The following ZNF285 variants were observed in gnomAD, a reference collection of about 807,000 sequenced individuals.
ZNF285 encodes the protein zinc finger protein 285A.
In ZNF285, 4 loss-of-function variants were observed where a neutral mutation model predicts 6.2. The observed-to-expected ratio is 0.65, with a 90% CI of 0.32 to 1.49. ZNF285 has a LOEUF of 1.49. ZNF285 is among the 40% of genes most tolerant of loss of function. ZNF285 has a pLI of 0.07. For synonymous variants in ZNF285, 240 were observed against 245.8 expected, an observed-to-expected ratio of 0.98 and a Z score of 0.22; for missense variants, 695 against 708.8, an observed-to-expected ratio of 0.98 and a Z score of 0.22.
chr19:44,397,124 T>G, intron 2 of ZNF285, 75 bp downstream of exon 2: 2 of 1,607,316 alleles, frequency 1.2e-6, no homozygotes, highest in Non-Finnish European at 8.5e-7. Flanking sequence ...AATGCTGACC[T>G]CCTTTCAGAA....
rs754004084 is a variant in ZNF285, at chr19:44,387,308, C to G, written c.937G>C (p.Asp313His). 6.2e-7 allele frequency: 1 copy of G among 1,614,146 alleles called. No individual in the cohort carries two copies. The highest frequency in any genetic ancestry group is 1.7e-5 in the Admixed American group (1 of 60,004). Residue 313 changes from aspartate (D) to histidine (H), a missense_variant, in exon 4 of 4, where the codon GAC (aspartate) becomes CAC (histidine). Transcript: ENST00000614994. ...LPRYQKVSSG[D>H]KPYKCKECGK... ...CATTCTTTACATTTGTAGGGTTTGT[C>G]TCCTGAGGAGACTTTCTGATATCTG...
chr19:44,393,993 A>T (rs557853912), intron 2 of ZNF285, among the ~76,000 whole-genome samples: 20 of 152,170 alleles, frequency 1.3e-4, no homozygotes, highest in Non-Finnish European at 2.9e-4. Context: ...CACAATAGCA[A>T]AGACTTGGAA....
At position 44,388,059 on chromosome 19, in the gene ZNF285, C is replaced by G. The variant is rs1018523182; in HGVS notation, c.186G>C (p.Gly62=). 1.9e-6 allele frequency: 3 copies of G among 1,613,910 alleles called. No individual in the cohort carries two copies. Among genetic ancestry groups the G allele is most frequent in the Non-Finnish European group, 2.5e-6 (3 of 1,179,962 alleles). The change falls in exon 4 of 4, where the codon GGG becomes GGC. Residue 62 remains glycine (G), a synonymous_variant. Coordinates refer to ENST00000614994, the MANE Select transcript of ZNF285 (RefSeq NM_152354.6). ...KNNILNLQAK[G]LSYLSQEVLH... is the part of the protein sequence containing the mutation. ...GCACTTCTTGCGAAAGGTAACTTAA[C>G]CCCTTTGCCTGAAGATTCAAAATGT...
In ZNF285 at chr19:44,386,331, C is replaced by T. The variant is rs1243545112; in HGVS notation, c.*141G>A. On this transcript the variant is annotated 3_prime_UTR_variant, in exon 4 of 4. Coordinates refer to ENST00000614994, the MANE Select transcript of ZNF285 (RefSeq NM_152354.6). Reference sequence around the variant, plus strand: ...AAATCCACAGTCCTTGCCTGGCACACTTCAGTGCTGCAGGCTGACATTATC... The same window carrying T: ...AAATCCACAGTCCTTGCCTGGCACATTTCAGTGCTGCAGGCTGACATTATC... 5 of 928,920 alleles carry T rather than the reference C, an allele frequency of 5.4e-6. No individual in the cohort carries two copies. Among genetic ancestry groups the T allele is most frequent in the Non-Finnish European group, 7.9e-6 (5 of 635,140 alleles). The allele number at this position is 928,920 out of a possible 1,614,324, so 57.5% of individuals were successfully genotyped here.
chr19:44,386,565 T>A lies in ZNF285; in HGVS notation c.1680A>T (p.Arg560Ser). Residue 560 changes from arginine to serine, a missense_variant, in exon 4 of 4, where the codon AGA becomes AGT. Coordinates refer to ENST00000614994, the MANE Select transcript of ZNF285 (RefSeq NM_152354.6). ...SRNSYLLAHQ[R>S]VHIDETQYTH... is the part of the protein sequence containing the mutation. ...TGTACTGTGTCTCATCTATATGCAC[T>A]CTCTGATGGGCAAGGAGGTATGAAT... is the stretch of plus-strand genomic sequence containing the variant. The A allele has an allele frequency of 1.2e-6, 2 of 1,614,196 alleles. No individual in the cohort carries two copies. The highest frequency in any genetic ancestry group is 2.2e-5 in the South Asian group (2 of 91,086).
chr19:44,394,650 G>A (rs1332540724), intron 2 of ZNF285: 17 of 478,368 alleles, frequency 3.6e-5, no homozygotes, highest in African/African-American at 6.0e-5. Context: ...TGCATATATC[G>A]CACTGCTCAG....
chr19:44,386,806 C>A lies in ZNF285; in HGVS notation c.1439G>T (p.Gly480Val). The A allele has an allele frequency of 6.2e-7, 1 of 1,614,232 alleles. No individual in the cohort carries two copies. The highest frequency in any genetic ancestry group is 8.5e-7 in the Non-Finnish European group (1 of 1,180,032). ...CACTTCACATTTATATGGTTTTTCT[C>A]CAGTGTGAACTCTCTGATGAGTGTG... The part of the protein sequence containing the change: ...VLHTHQRVHT[G>V]EKPYKCEVCG... The change falls in exon 4 of 4, where the codon GGA becomes GTA. Residue 480 changes from glycine (G) to valine (V), a missense_variant. By Grantham distance (109) the Gly-to-Val change is moderately radical (BLOSUM62 -3). Transcript: ENST00000614994.
At chr19:44,397,669 G>T (rs1971305170) in intron 1 of ZNF285, among the ~76,000 whole-genome samples, 1 of 152,096 alleles carries the variant, frequency 6.6e-6, no homozygotes, top group African/African-American at 2.4e-5. Context: ...TGGATCACTT[G>T]AGGCCAGGAG....
rs977043842 is a variant in ZNF285 at position 44,386,468 on chromosome 19, A to T, written c.*4T>A. 1 of 1,606,882 alleles carries T rather than the reference A, an allele frequency of 6.2e-7. No individual in the cohort carries two copies. Among genetic ancestry groups the T allele is most frequent in the Non-Finnish European group, 8.5e-7 (1 of 1,174,958 alleles). Reference sequence around the variant, plus strand: ...TTTACTAATTGAACCCTGACTTACTACATTTATAATGTTTCTCTCTGCTCA... The same window carrying T: ...TTTACTAATTGAACCCTGACTTACTTCATTTATAATGTTTCTCTCTGCTCA... On this transcript the variant is annotated 3_prime_UTR_variant, in exon 4 of 4. Transcript: ENST00000614994.
chr19:44,386,894 T>C lies in ZNF285; in HGVS notation c.1351A>G (p.Thr451Ala). Residue 451 changes from threonine (T) to alanine (A), a missense_variant, in exon 4 of 4, where the codon ACA becomes GCA. Coordinates refer to ENST00000614994, the MANE Select transcript of ZNF285 (RefSeq NM_152354.6). ...TTGCATTTGTATGGTTTCTCCCCTG[T>C]GTGGACTCTCTGGTGAATGTGAAGG... ...THLHIHQRVHTGEKPYKCNVC... is the reference protein window; with the variant it reads ...THLHIHQRVHAGEKPYKCNVC... 1 of 1,614,216 alleles carries C rather than the reference T, an allele frequency of 6.2e-7. No individual in the cohort carries two copies. Among genetic ancestry groups the C allele is most frequent in the Non-Finnish European group, 8.5e-7 (1 of 1,180,022 alleles).
chr19:44,394,369 A>C (rs1368271089), intron 2 of ZNF285, among the ~76,000 whole-genome samples: 1 of 151,858 alleles, frequency 6.6e-6, no homozygotes, highest in Admixed American at 6.6e-5. Context: ...TATGTAACTA[A>C]CCTGCAGGTT....
rs1217667097 is a variant in ZNF285 at position 44,383,874 on chromosome 19, AATTTTGTGAAGTAGGGAGAC to A, written c.*2578_*2597del. Reference sequence around the variant, plus strand: ...CTTTGCTACAAGAGGAAAAGCAAACAATTTTGTGAAGTAGGGAGACATTCCTGTTAGCATCATATATTTAA... The same window carrying A: ...CTTTGCTACAAGAGGAAAAGCAAACAATTCCTGTTAGCATCATATATTTAA... On this transcript the variant is annotated 3_prime_UTR_variant, in exon 4 of 4. Transcript: ENST00000614994. The A allele has an allele frequency of 1.3e-5, 2 of 152,182 alleles. No homozygotes were observed. Among genetic ancestry groups the A allele is most frequent in the African/African-American group, 2.4e-5 (1 of 41,434 alleles). The allele number at this position is 152,182 out of a possible 1,614,324, so 9.4% of individuals were successfully genotyped here.
intron 1 of ZNF285, among the ~76,000 whole-genome samples, chr19:44,399,841 G>C (rs969038026): frequency 3.9e-5 from 6 of 152,126 alleles, no homozygotes; most frequent in Non-Finnish European, 1.5e-5. Flanking sequence ...TGACAGGGAG[G>C]TGCCATTATA....
chr19:44,393,160 A>C (rs1471830170), intron 2 of ZNF285, among the ~76,000 whole-genome samples: 1 of 152,164 alleles, frequency 6.6e-6, no homozygotes, highest in East Asian at 1.9e-4. Flanking sequence ...TACAAACTGA[A>C]ATATTTAGGG....
rs1208617252 is a variant in ZNF285 at position 44,386,643 on chromosome 19, G to A, written c.1602C>T (p.His534=). The stretch of plus-strand genomic sequence containing the variant: ...TACACTTATAGGGCCTCTCTCCTGT[G>A]TGGACTCTGAGGTGAACATTAAGAT... ...NSDLNVHLRV[H]TGERPYKCKA... The change falls in exon 4 of 4, where the codon CAC becomes CAT. Residue 534 remains histidine, a synonymous_variant. Coordinates refer to ENST00000614994, the MANE Select transcript of ZNF285 (RefSeq NM_152354.6). 6.2e-7 allele frequency: 1 copy of A among 1,614,038 alleles called. No individual in the cohort carries two copies. The highest frequency in any genetic ancestry group is 8.5e-7 in the Non-Finnish European group (1 of 1,180,032).
rs1971038734 is a variant in ZNF285, at chr19:44,384,270, A to G, written c.*2202T>C. ...ACAGTCTTCTCATTGCAAAATTCTT[A>G]GAACATATTTCTTTCTGAAACCATA... On this transcript the variant is annotated 3_prime_UTR_variant, in exon 4 of 4. Coordinates refer to ENST00000614994, the MANE Select transcript of ZNF285 (RefSeq NM_152354.6). The G allele has an allele frequency of 1.3e-5, 2 of 152,230 alleles. No individual in the cohort carries two copies. Among genetic ancestry groups the G allele is most frequent in the Admixed American group, 6.5e-5 (1 of 15,284 alleles). The allele number at this position is 152,230 out of a possible 1,614,324, so 9.4% of individuals were successfully genotyped here. A position where few individuals can be genotyped will look rare whatever the true frequency, so the allele number is the denominator to read the frequency against.
chr19:44,385,068 T>A lies in ZNF285; in HGVS notation c.*1404A>T, dbSNP rs1971048399. ...AATTCATCTATTATCCCCAATTAAA[T>A]GACAAATTTGGGGGGAAACTGACAG... On this transcript the variant is annotated 3_prime_UTR_variant, in exon 4 of 4. Coordinates refer to ENST00000614994, the MANE Select transcript of ZNF285 (RefSeq NM_152354.6). 5 of 138,618 alleles carry A rather than the reference T, an allele frequency of 3.6e-5. No homozygotes were observed. In the South Asian group the frequency reaches 8.9e-4, roughly 25 times the overall value. The allele number at this position is 138,618 out of a possible 1,614,324, so 8.6% of individuals were successfully genotyped here.
chr19:44,386,593 C>A lies in ZNF285; in HGVS notation c.1652G>T (p.Arg551Leu), dbSNP rs772355334. The A allele has an allele frequency of 1.2e-6, 2 of 1,614,146 alleles. No homozygotes were observed. Among genetic ancestry groups the A allele is most frequent in the Non-Finnish European group, 1.7e-6 (2 of 1,180,004 alleles). The change falls in exon 4 of 4, where the codon CGT becomes CTT. Residue 551 changes from arginine to leucine, a missense_variant. By Grantham distance (102) the Arg-to-Leu change is moderately radical. Transcript: ENST00000614994. ...CTGATGGGCAAGGAGGTATGAATTA[C>A]GACTGAAGCCCTTACCACATGCCTT... The part of the protein sequence containing the change: ...KCKACGKGFS[R>L]NSYLLAHQRV...
Position 44,384,377 on chromosome 19 carries a change from A to G in ZNF285, c.*2095T>C, listed in dbSNP as rs1038291570. On this transcript the variant is annotated 3_prime_UTR_variant, in exon 4 of 4. Coordinates refer to ENST00000614994, the MANE Select transcript of ZNF285 (RefSeq NM_152354.6). ...GGCTCAAAGACAATGCACATTGTAC[A>G]TATGATACATATAGACAAGATCCTC... 1.1e-4 allele frequency: 16 copies of G among 152,204 alleles called. No individual in the cohort carries two copies. The highest frequency in any genetic ancestry group is 4.6e-4 in the Admixed American group (7 of 15,280). The allele number at this position is 152,204 out of a possible 1,614,324, so 9.4% of individuals were successfully genotyped here.
Sources: allele counts gnomAD v4.1 joint callset (sites outside exome capture counted in the v4.1 genomes callset), GRCh38; gene constraint gnomAD v4.1.1; transcripts MANE v1.5; gene names NCBI Gene and HGNC (gene_info 2026-07-23, HGNC 2026-07-21).